PAQR5: variants seen among roughly 807,000 people sequenced by gnomAD.
PAQR5 encodes membrane progestin receptor gamma.
In PAQR5, 20 loss-of-function variants were observed where a neutral mutation model predicts 34.5. The observed-to-expected ratio is 0.58, with a 90% CI of 0.41 to 0.84. The LOEUF (loss-of-function observed/expected upper bound fraction) is 0.84, where lower values mean the gene tolerates loss of function less well. Ranked by LOEUF, PAQR5 falls within the 40% of genes least tolerant of loss-of-function variation. The probability of loss-of-function intolerance (pLI) is 0.00; values close to 1 mark genes in which losing one functional copy is unlikely to be tolerated. For synonymous variants in PAQR5, 131 were observed against 155.6 expected, an observed-to-expected ratio of 0.84 and a Z score of 1.18; for missense variants, 378 against 412.7, an observed-to-expected ratio of 0.92 and a Z score of 0.73.
At chr15:69,335,115 T>TTGGG (rs1390208647) in intron 1 of PAQR5, among the ~76,000 whole-genome samples, 1 of 150,984 alleles carries the variant, frequency 6.6e-6, no homozygotes, top group African/African-American at 2.4e-5. Context: ...TCCCAGCTAC[T>TTGGG]CAGAAGGCTG....
At chr15:69,386,448 AAG>A (rs754436034) in intron 5 of PAQR5, among the ~76,000 whole-genome samples, 2 of 152,054 alleles carry the variant, frequency 1.3e-5, no homozygotes, top group African/African-American at 4.8e-5. Context: ...GGGTTTGCAG[AAG>A]AGAGTGGGGA....
intron 1 of PAQR5, among the ~76,000 whole-genome samples, chr15:69,336,597 G>T (rs2054519825): frequency 6.6e-6 from 1 of 152,086 alleles, no homozygotes; most frequent in Admixed American, 6.5e-5. Context: ...ATCCACAGAT[G>T]ATTGTTGTCT....
rs558938466 is a variant in PAQR5, at chr15:69,361,960, T to TG, written c.51+1835dup. The stretch of plus-strand genomic sequence containing the variant: ...GAGATCATGGGGCAGGTGGTGATGG[T>TG]GGGGGGACTGGGGAGCGTCTTGGGG... On this transcript the variant is annotated intron_variant, in intron 3 of 8. Coordinates refer to ENST00000395407, the MANE Select transcript of PAQR5 (RefSeq NM_017705.4). Among the ~76,000 whole-genome samples the TG allele has an allele frequency of 2.2e-3, 318 of 143,276 alleles. 2 individuals carry two copies. Among genetic ancestry groups the TG allele is most frequent in the African/African-American group, 8.0e-3 (307 of 38,212 alleles). The allele number at this position is 143,276 out of a possible 152,430, so 94.0% of individuals were successfully genotyped here.
chr15:69,301,859 A>AGTTTTTTTTTTTTT (rs2053611736), intron 1 of PAQR5, among the ~76,000 whole-genome samples: 1 of 98,870 alleles, frequency 1.0e-5, no homozygotes, highest in Non-Finnish European at 1.8e-5. Flanking sequence ...ATGGGGGGAG[A>AGTTTTTTTTTTTTT]TTTTTTTTTT....
intron 1 of PAQR5, among the ~76,000 whole-genome samples, chr15:69,308,294 A>G (rs2053761239): frequency 6.6e-6 from 1 of 152,236 alleles, no homozygotes; most frequent in African/African-American, 2.4e-5. Context: ...TAATTCATTT[A>G]TTCATCCCAT....
intron 3 of PAQR5, among the ~76,000 whole-genome samples, chr15:69,372,025 A>C (rs1368688815): frequency 1.3e-5 from 2 of 152,228 alleles, no homozygotes; most frequent in Non-Finnish European, 2.9e-5. Context: ...CAAATTTGGT[A>C]TGTGTTTCAG....
Position 69,332,277 on chromosome 15 carries a change from G to A in PAQR5, c.-276-5064G>A, listed in dbSNP as rs114990261. ...GTGGGTTTAGGACCCCTATAAGCCC[G>A]CTTTTCAAGCCAGCTTGGCAGGCTG... On this transcript the variant is annotated intron_variant, in intron 1 of 8. Coordinates refer to ENST00000395407, the MANE Select transcript of PAQR5 (RefSeq NM_017705.4). Among the ~76,000 whole-genome samples the A allele has an allele frequency of 5.1e-3, 780 of 152,288 alleles. 7 individuals are homozygous for A. Among genetic ancestry groups the A allele is most frequent in the African/African-American group, 0.018 (738 of 41,548 alleles).
intron 8 of PAQR5, 147 bp from the exon 9 acceptor site, chr15:69,403,434 T>C (rs1014460567): frequency 2.8e-6 from 2 of 725,222 alleles, no homozygotes; most frequent in African/African-American, 3.6e-5. Flanking sequence ...TCTTTATGGA[T>C]TTGCATATTC....
intron 6 of PAQR5, among the ~76,000 whole-genome samples, chr15:69,390,317 GTTTTTTATTTATTTAT>G (rs1446314049): frequency 2.3e-5 from 3 of 130,424 alleles, no homozygotes; most frequent in African/African-American, 8.4e-5. Flanking sequence ...TGCCTGACCT[GTTTTTTATTTATTTAT>G]TTATTTATTT....
At chr15:69,301,896 T>A (rs1030183485) in intron 1 of PAQR5, among the ~76,000 whole-genome samples, 2 of 108,172 alleles carry the variant, frequency 1.8e-5, no homozygotes, top group African/African-American at 7.3e-5. Flanking sequence ...TTTTTTTTTT[T>A]AGCACAGTGT....
chr15:69,345,023 G>A (rs1037220655), intron 2 of PAQR5, among the ~76,000 whole-genome samples: 1 of 152,076 alleles, frequency 6.6e-6, no homozygotes, highest in African/African-American at 2.4e-5. Flanking sequence ...GAACCTGAGA[G>A]GCGGAGGTTG....
At chr15:69,319,780 C>G (rs1439143911) in intron 1 of PAQR5, among the ~76,000 whole-genome samples, 1 of 152,134 alleles carries the variant, frequency 6.6e-6, no homozygotes, top group Non-Finnish European at 1.5e-5. Flanking sequence ...GTGGGTTGAG[C>G]TGAATGAAGC....
At chr15:69,382,776 CCATATATATATATATATATATGACCA>C (rs2055937563) in intron 4 of PAQR5, 1 of 61,912 alleles carries the variant, frequency 1.6e-5, no homozygotes, top group African/African-American at 8.1e-5. Context: ...ATATATGTGA[CCATATATATATATATATATATGACCA>C]TATATATATA....
Position 69,345,069 on chromosome 15 carries a change from G to A in PAQR5, c.-116+7568G>A, listed in dbSNP as rs542036036. ...AGATCACACCACTGTACTCCAGCCT[G>A]GGTGACAGAGTGAGACCCTGTCGTG... On this transcript the variant is annotated intron_variant, in intron 2 of 8. Transcript: ENST00000395407. Among the ~76,000 whole-genome samples the A allele has an allele frequency of 1.3e-4, 19 of 151,732 alleles. No homozygotes were observed. In the South Asian group the frequency reaches 4.0e-3, roughly 32 times the overall value.
At chr15:69,403,185 G>C (rs574848675) in intron 8 of PAQR5, among the ~76,000 whole-genome samples, 1 of 152,288 alleles carries the variant, frequency 6.6e-6, no homozygotes, top group Non-Finnish European at 1.5e-5. Flanking sequence ...AAAAGAATTT[G>C]GATTTGGTTT....
chr15:69,335,246 CTT>C (rs368833153), intron 1 of PAQR5, among the ~76,000 whole-genome samples: 2 of 127,908 alleles, frequency 1.6e-5, no homozygotes, highest in Admixed American at 8.4e-5. Context: ...GAAATTTTAG[CTT>C]TTTTTTTTTT....
At chr15:69,303,869 G>T (rs1359712739) in intron 1 of PAQR5, among the ~76,000 whole-genome samples, 2 of 152,194 alleles carry the variant, frequency 1.3e-5, no homozygotes, top group Non-Finnish European at 2.9e-5. Flanking sequence ...CCATCCATGG[G>T]GAGCTTTGGC....
intron 6 of PAQR5, chr15:69,391,777 CTGGGTGCAG>C: frequency 2.3e-6 from 1 of 442,006 alleles, no homozygotes; most frequent in Non-Finnish European, 4.5e-6. Flanking sequence ...CAGAGTGAGG[CTGGGTGCAG>C]TGGCTCACAC....
At chr15:69,364,554 A>ACATTATATATGT in intron 3 of PAQR5, among the ~76,000 whole-genome samples, 1 of 148,220 alleles carries the variant, frequency 6.7e-6, no homozygotes, top group African/African-American at 2.5e-5. Flanking sequence ...TTATATATAT[A>ACATTATATATGT]TAACGAGTTG....
Sources: allele counts gnomAD v4.1 joint callset (sites outside exome capture counted in the v4.1 genomes callset), GRCh38; gene constraint gnomAD v4.1.1; transcripts MANE v1.5; gene names NCBI Gene and HGNC (gene_info 2026-07-23, HGNC 2026-07-21).